Variants in STARD3 observed in about 807,000 individuals in gnomAD.
The protein encoded by STARD3 is stAR-related lipid transfer protein 3.
A neutral mutation model predicts 62.0 loss-of-function variants in STARD3; 39 were observed. That is an observed-to-expected ratio of 0.63 (90% CI 0.49 to 0.82). The LOEUF (loss-of-function observed/expected upper bound fraction) is 0.82. Ranked by LOEUF, STARD3 falls within the 40% of genes least tolerant of loss-of-function variation. The pLI is 0.00. For missense variants in STARD3, 543 were observed against 584.5 expected, an observed-to-expected ratio of 0.93 and a Z score of 0.73; for synonymous variants, 229 against 242.4, an observed-to-expected ratio of 0.94 and a Z score of 0.51.
chr17:39,658,762 G>T lies in STARD3; in HGVS notation c.588G>T (p.Leu196=), dbSNP rs1221880977. 6.2e-7 allele frequency: 1 copy of T among 1,613,870 alleles called. No homozygotes were observed. The highest frequency in any genetic ancestry group is 1.3e-5 in the African/African-American group (1 of 74,874). The change falls in exon 7 of 15, where the codon CTG becomes CTT. Residue 196 remains leucine (L), a synonymous_variant. Coordinates refer to ENST00000336308, the MANE Select transcript of STARD3 (RefSeq NM_006804.4). The part of the protein sequence containing the change: ...AAQVAVARGP[L]LFSGALSEGQ... ...AGGTTGCTGTTGCCCGTGGACCCCT[G>T]CTGTTCTCCGGTGCTCTGTCCGAGG...
At chr17:39,655,511 G>C (rs2057118548) in intron 2 of STARD3, among the ~76,000 whole-genome samples, 1 of 152,086 alleles carries the variant, frequency 6.6e-6, no homozygotes, top group African/African-American at 2.4e-5. Context: ...GAAGTTATTT[G>C]GCTGTGTTGG....
Position 39,660,999 on chromosome 17 carries a change from G to T in STARD3, c.1053G>T (p.Arg351=), listed in dbSNP as rs773823929. 5 of 1,613,626 alleles carry T rather than the reference G, an allele frequency of 3.1e-6. No individual in the cohort carries two copies. The African/African-American group carries it at 5.3e-5, about 17-fold the overall frequency. ...CCCGCAGGGACTTCGTGAATGTCCG[G>T]CGCATTGAGCGGCGCAGGGACCGAT... The part of the protein sequence containing the change: ...VVSPRDFVNV[R]RIERRRDRYL... The change falls in exon 13 of 15, where the codon CGG becomes CGT. Residue 351 remains arginine, a synonymous_variant. Transcript: ENST00000336308. The surrounding 1 kb of genome is among the most constrained non-coding windows in gnomAD (Gnocchi z 4.8).
In STARD3 at chr17:39,657,852, G is replaced by A. The variant is rs1379128541; in HGVS notation, c.375G>A (p.Ala125=). 33 of 1,614,196 alleles carry A rather than the reference G, an allele frequency of 2.0e-5. No individual in the cohort carries two copies. Among genetic ancestry groups the A allele is most frequent in the Non-Finnish European group, 2.5e-5 (30 of 1,180,024 alleles). ...GGCTCCGGCACTGGTGGGTGATTGC[G>A]GTAAGATGCCACTTTCCTGGCAGCT... ...VLRLRHWWVI[A]VTTLVSSAFL... is the part of the protein sequence containing the mutation. The change falls in exon 4 of 15, where the codon GCG becomes GCA. Residue 125 remains alanine (A), a splice_region_variant and synonymous_variant. Coordinates refer to ENST00000336308, the MANE Select transcript of STARD3 (RefSeq NM_006804.4).
At chr17:39,646,326 C>T (rs2057025935) in intron 1 of STARD3, among the ~76,000 whole-genome samples, 3 of 152,182 alleles carry the variant, frequency 2.0e-5, no homozygotes, top group African/African-American at 7.2e-5. Context: ...AGTCTCAGCC[C>T]ACTGCAACCT....
At chr17:39,650,847 A>G (rs1455640585) in intron 1 of STARD3, among the ~76,000 whole-genome samples, 1 of 152,206 alleles carries the variant, frequency 6.6e-6, no homozygotes, top group Admixed American at 6.5e-5. Flanking sequence ...ACAGATGGAA[A>G]GTTACTTTGT....
rs1316890843 is a variant in STARD3, at chr17:39,663,719, C to T, written c.*811C>T. Among the ~76,000 whole-genome samples the T allele has an allele frequency of 6.6e-6, 1 of 151,680 alleles. No homozygotes were observed. The highest frequency in any genetic ancestry group is 2.0e-4 in the East Asian group (1 of 5,120). On this transcript the variant is annotated 3_prime_UTR_variant, in exon 15 of 15. Transcript: ENST00000336308. The stretch of plus-strand genomic sequence containing the variant: ...TCAGAAAAAAATGCCCCGCCCCCTG[C>T]CAGGCTTCAGCGGGGCAAGTTTAAA...
rs547442450 is a variant in STARD3, at chr17:39,653,741, C to T, written c.210C>T (p.Ile70=). The part of the protein sequence containing the change: ...DLLFISLLWI[I]ELNTNTGIRK... ...TCTTCATCTCCCTGCTCTGGATCAT[C>T]GAACTGAATGTGAGTGGGGGCGAGG... Residue 70 remains isoleucine, a synonymous_variant, in exon 2 of 15, where the codon ATC becomes ATT. Transcript: ENST00000336308. 3.8e-4 allele frequency: 616 copies of T among 1,614,062 alleles called. 6 individuals are homozygous for T. In the South Asian group the frequency reaches 6.3e-3, roughly 17 times the overall value.
chr17:39,661,104 G>C lies in STARD3; in HGVS notation c.1139+19G>C. The C allele has an allele frequency of 6.2e-7, 1 of 1,610,556 alleles. No homozygotes were observed. Among genetic ancestry groups the C allele is most frequent in the Non-Finnish European group, 8.5e-7 (1 of 1,178,090 alleles). On this transcript the variant is annotated intron_variant, in intron 13 of 14. Transcript: ENST00000336308. ...ATGTCCGGTGAGCCTCACTTTGCCT[G>C]GGGTCACCCCTGCCAGCCCCTCCCC... is the stretch of plus-strand genomic sequence containing the variant.
chr17:39,660,179 C>G lies in STARD3; in HGVS notation c.796-32C>G, dbSNP rs760749547. ...CACCAGCCCACCCCCTGCCTCCACT[C>G]TCCTCCCTGCCACCTTCTGTCCCTG... On this transcript the variant is annotated intron_variant, in intron 9 of 14. Coordinates refer to ENST00000336308, the MANE Select transcript of STARD3 (RefSeq NM_006804.4). This position sits in a 1 kb window ranked among gnomAD's most constrained non-coding sequence, Gnocchi z 4.8. The G allele has an allele frequency of 6.2e-7, 1 of 1,612,892 alleles. No homozygotes were observed. Among genetic ancestry groups the G allele is most frequent in the Non-Finnish European group, 8.5e-7 (1 of 1,179,348 alleles).
chr17:39,657,796 T>C lies in STARD3; in HGVS notation c.319T>C (p.Ser107Pro). 1.2e-6 allele frequency: 2 copies of C among 1,614,176 alleles called. No homozygotes were observed. The highest frequency in any genetic ancestry group is 1.7e-6 in the Non-Finnish European group (2 of 1,180,010). ...CCAGGTCCTGGCCTTCTTCCGCTTCTCTGGACTGCTCCTAGGCTATGCCGT... is the reference window on the plus strand; with the variant it reads ...CCAGGTCCTGGCCTTCTTCCGCTTCCCTGGACTGCTCCTAGGCTATGCCGT... The part of the protein sequence containing the change: ...DIFVLAFFRF[S>P]GLLLGYAVLR... The change falls in exon 4 of 15, where the codon TCT becomes CCT. Residue 107 changes from serine (S) to proline (P), a missense_variant. Coordinates refer to ENST00000336308, the MANE Select transcript of STARD3 (RefSeq NM_006804.4).
At chr17:39,659,862 C>T (rs1267146038) in intron 9 of STARD3, 1 of 498,612 alleles carries the variant, frequency 2.0e-6, no homozygotes, top group African/African-American at 1.9e-5. Flanking sequence ...ATCAAAACAA[C>T]ATTATCTACA....
At chr17:39,657,946 C>G (rs758383670) in intron 4 of STARD3, 27 bp from the exon 5 acceptor site, 3 of 1,604,436 alleles carry the variant, frequency 1.9e-6, no homozygotes, top group Admixed American at 1.7e-5. Context: ...CTCTGCCTTC[C>G]CCTTCCTCCC....
Position 39,661,057 on chromosome 17 carries a change from G to A in STARD3, c.1111G>A (p.Ala371Thr), listed in dbSNP as rs1055061072. ...LSSGIATSHS[A>T]KPPTHKYVRG... is the part of the protein sequence containing the mutation. ...ATCAGGGATCGCCACCTCACACAGT[G>A]CCAAGCCCCCGACGCACAAATATGT... Residue 371 changes from alanine (A) to threonine (T), a missense_variant, in exon 13 of 15, where the codon GCC becomes ACC. By Grantham distance (58) the Ala-to-Thr change is moderately conservative. Coordinates refer to ENST00000336308, the MANE Select transcript of STARD3 (RefSeq NM_006804.4). 1 of 1,613,640 alleles carries A rather than the reference G, an allele frequency of 6.2e-7. No homozygotes were observed. Among genetic ancestry groups the A allele is most frequent in the Non-Finnish European group, 8.5e-7 (1 of 1,180,008 alleles).
Position 39,658,522 on chromosome 17 carries a change from T to C in STARD3, c.547T>C (p.Trp183Arg). 9 of 1,613,380 alleles carry C rather than the reference T, an allele frequency of 5.6e-6. No homozygotes were observed. Among genetic ancestry groups the C allele is most frequent in the African/African-American group, 1.3e-5 (1 of 75,024 alleles). The change falls in exon 6 of 15, where the codon TGG becomes CGG. Residue 183 changes from tryptophan to arginine, a missense_variant and splice_region_variant. Transcript: ENST00000336308. ...VLPQEAEEER[W>R]YLAAQVAVAR... Reference sequence around the variant, plus strand: ...ACCCCAGGAAGCTGAAGAGGAGCGATGTGAGTGCTTGCGGGTAGGGGGGTG... The same window carrying C: ...ACCCCAGGAAGCTGAAGAGGAGCGACGTGAGTGCTTGCGGGTAGGGGGGTG...
At chr17:39,648,271 A>G (rs1248763426) in intron 1 of STARD3, among the ~76,000 whole-genome samples, 1 of 152,122 alleles carries the variant, frequency 6.6e-6, no homozygotes, top group African/African-American at 2.4e-5. Context: ...TGGGCGACAG[A>G]GTGAGACTCC....
intron 2 of STARD3, among the ~76,000 whole-genome samples, chr17:39,654,397 G>C (rs1296697934): frequency 6.6e-6 from 1 of 152,132 alleles, no homozygotes; most frequent in Non-Finnish European, 1.5e-5. Context: ...GTGAGACCCT[G>C]ACTCAAATAA....
chr17:39,660,959 G>A lies in STARD3; in HGVS notation c.1035-22G>A. 1 of 1,613,170 alleles carries A rather than the reference G, an allele frequency of 6.2e-7. No individual in the cohort carries two copies. ...CTTTGGCCTTGGGTCATTGTCCCCT[G>A]AACTAACCCTCCCTCCCGCAGGGAC... is the stretch of plus-strand genomic sequence containing the variant. On this transcript the variant is annotated intron_variant, in intron 12 of 14. Transcript: ENST00000336308. This position sits in a 1 kb window ranked among gnomAD's most constrained non-coding sequence, Gnocchi z 4.8.
Position 39,656,212 on chromosome 17 carries a change from T to C in STARD3, c.220-796T>C, listed in dbSNP as rs527505589. Among the ~76,000 whole-genome samples, 202 of 152,106 alleles carry C rather than the reference T, an allele frequency of 1.3e-3. 1 individual carries two copies. Among genetic ancestry groups the C allele is most frequent in the Non-Finnish European group, 2.2e-3 (147 of 67,974 alleles). On this transcript the variant is annotated intron_variant, in intron 2 of 14. Coordinates refer to ENST00000336308, the MANE Select transcript of STARD3 (RefSeq NM_006804.4). Reference sequence around the variant, plus strand: ...AGAGCGGAAGCCCCAGTCTAGGCGGTTGTGAGGGGTCTTCCTCTCCAGGGC... The same window carrying C: ...AGAGCGGAAGCCCCAGTCTAGGCGGCTGTGAGGGGTCTTCCTCTCCAGGGC...
At chr17:39,655,869 C>T (rs891377655) in intron 2 of STARD3, among the ~76,000 whole-genome samples, 6 of 151,746 alleles carry the variant, frequency 4.0e-5, no homozygotes, top group Admixed American at 6.6e-5. Context: ...GAGTCCTGAT[C>T]GGTCAGCACC....
Sources: allele counts gnomAD v4.1 joint callset (sites outside exome capture counted in the v4.1 genomes callset), GRCh38; gene constraint gnomAD v4.1.1; non-coding constraint Gnocchi (gnomAD v3.1); transcripts MANE v1.5; gene names NCBI Gene and HGNC (gene_info 2026-07-23, HGNC 2026-07-21).